TRIM63: variants seen among roughly 807,000 people sequenced by gnomAD.
TRIM63 encodes tripartite motif containing 63.
In TRIM63, 48 loss-of-function variants were observed where a neutral mutation model predicts 46.0. That is an observed-to-expected ratio of 1.04 (90% CI 0.83 to 1.33). The LOEUF (loss-of-function observed/expected upper bound fraction) is 1.33. Among genes scored for constraint, TRIM63 ranks in the 40% most tolerant of loss-of-function variants. TRIM63 has a pLI of 0.00. For missense variants in TRIM63, 455 were observed against 441.2 expected, an observed-to-expected ratio of 1.03 and a Z score of -0.28; for synonymous variants, 175 against 162.8, an observed-to-expected ratio of 1.08 and a Z score of -0.57.
chr1:26,054,846 T>A (rs916900844), intron 7 of TRIM63, among the ~76,000 whole-genome samples: 1 of 151,734 alleles, frequency 6.6e-6, no homozygotes, highest in Non-Finnish European at 1.5e-5. Context: ...CATGCACCTG[T>A]AATCCCAGCT....
chr1:26,061,383 C>A, intron 2 of TRIM63, 49 bp from the exon 3 acceptor site: 1 of 1,591,480 alleles, frequency 6.3e-7, no homozygotes. Context: ...GTCCCTGCAT[C>A]CCCCTCCCCA....
At chr1:26,054,048 G>A in intron 7 of TRIM63, 84 bp from the exon 8 acceptor site, 1 of 947,570 alleles carries the variant, frequency 1.1e-6, no homozygotes, top group East Asian at 2.7e-5. Flanking sequence ...AGAGAGCACG[G>A]TCTAAACCCC....
At chr1:26,067,270 G>C (rs2050686841) in intron 1 of TRIM63, 66 bp downstream of exon 1, 3 of 1,579,342 alleles carry the variant, frequency 1.9e-6, no homozygotes, top group Non-Finnish European at 2.6e-6. Flanking sequence ...AAGGGAGAAG[G>C]GTTTCATCAC....
In TRIM63 at chr1:26,058,649, G is replaced by A. The variant is rs201443908; in HGVS notation, c.598-26C>T. The A allele has an allele frequency of 3.4e-5, 55 of 1,598,094 alleles. No homozygotes were observed. The East Asian group carries it at 6.5e-4, about 19-fold the overall frequency. On this transcript the variant is annotated intron_variant, in intron 4 of 8. Coordinates refer to ENST00000374272, the MANE Select transcript of TRIM63 (RefSeq NM_032588.4). ...CTGAGGACGGAAGTCTTGTGGTCAC[G>A]TTCTGTAGGGTCTTTATTCCCTGCC...
intron 7 of TRIM63, 150 bp downstream of exon 7, chr1:26,057,053 A>G (rs936330254): frequency 4.8e-6 from 5 of 1,033,324 alleles, no homozygotes; most frequent in Non-Finnish European, 6.8e-6. Context: ...ATGAGCCACC[A>G]CAGCCGGCCA....
chr1:26,066,343 C>T lies in TRIM63; in HGVS notation c.257G>A (p.Arg86His), dbSNP rs1338320582. Residue 86 changes from arginine (R) to histidine (H), a missense_variant, in exon 2 of 9, where the codon CGT becomes CAT. Coordinates refer to ENST00000374272, the MANE Select transcript of TRIM63 (RefSeq NM_032588.4). ...CCTCTGCAGGCCGTACACTCCGTGA[C>T]GATCCATGATCACCTCGTGGCGGCA... ...PTCRHEVIMD[R>H]HGVYGLQRNL... 8 of 1,614,148 alleles carry T rather than the reference C, an allele frequency of 5.0e-6. No homozygotes were observed. The highest frequency in any genetic ancestry group is 1.7e-4 in the Middle Eastern group (1 of 6,060).
intron 2 of TRIM63, among the ~76,000 whole-genome samples, chr1:26,063,857 T>A (rs1163223757): frequency 6.6e-6 from 1 of 152,232 alleles, no homozygotes; most frequent in African/African-American, 2.4e-5. Flanking sequence ...GGTTCACATA[T>A]AACATGCTCT....
intron 3 of TRIM63, 88 bp downstream of exon 3, chr1:26,061,078 A>C: frequency 1.4e-6 from 2 of 1,402,494 alleles, no homozygotes; most frequent in Non-Finnish European, 2.0e-6. Context: ...CCAGATCAGC[A>C]GATCTACAGG....
rs1454847503 is a variant in TRIM63 at position 26,057,242 on chromosome 1, G to C, written c.940C>G (p.His314Asp). ...ATGGCTCTCAGGGCGTCTGCTATGT[G>C]CTCTAAATCCAAAGTAAAGAAGTCC... The part of the protein sequence containing the change: ...NMDFFTLDLE[H>D]IADALRAIDF... The change falls in exon 7 of 9, where the codon CAC becomes GAC. Residue 314 changes from histidine (H) to aspartate (D), a missense_variant. Physicochemically the swap from His to Asp is moderately conservative, Grantham distance 81. Transcript: ENST00000374272. 1 of 1,614,168 alleles carries C rather than the reference G, an allele frequency of 6.2e-7. No individual in the cohort carries two copies. The highest frequency in any genetic ancestry group is 2.2e-5 in the East Asian group (1 of 44,892).
intron 8 of TRIM63, 60 bp from the exon 9 acceptor site, chr1:26,051,943 G>A (rs2050526679): frequency 7.9e-7 from 1 of 1,271,002 alleles, no homozygotes; most frequent in African/African-American, 1.5e-5. Context: ...GAGGATCCAA[G>A]GCTTACCAAG....
At position 26,056,809 on chromosome 1, in the gene TRIM63, C is replaced by T. The variant is rs561291250; in HGVS notation, c.979+394G>A. ...AGTTTGGCTGGCTCTTTTGCCCAGG[C>T]TGGAGTGCAGTGGCACAATCTCGGC... On this transcript the variant is annotated intron_variant, in intron 7 of 8. Coordinates refer to ENST00000374272, the MANE Select transcript of TRIM63 (RefSeq NM_032588.4). Among the ~76,000 whole-genome samples, 8 of 148,912 alleles carry T rather than the reference C, an allele frequency of 5.4e-5. 1 individual carries two copies. In the South Asian group the frequency reaches 1.5e-3, roughly 27 times the overall value.
chr1:26,054,047 G>C, intron 7 of TRIM63, 83 bp from the exon 8 acceptor site: 2 of 964,314 alleles, frequency 2.1e-6, no homozygotes, highest in Non-Finnish European at 3.1e-6. Flanking sequence ...GAGAGAGCAC[G>C]GTCTAAACCC....
Position 26,061,152 on chromosome 1 carries a change from G to T in TRIM63, c.501+14C>A, listed in dbSNP as rs776998637. The T allele has an allele frequency of 1.6e-5, 26 of 1,611,610 alleles. No individual in the cohort carries two copies. The highest frequency in any genetic ancestry group is 2.7e-5 in the African/African-American group (2 of 75,002). ...CAGGCCCAGGCTGGGGGTAAAAGTG[G>T]CTGGAGACAGTACCTTTTGTCCCTG... On this transcript the variant is annotated intron_variant, in intron 3 of 8. Coordinates refer to ENST00000374272, the MANE Select transcript of TRIM63 (RefSeq NM_032588.4).
chr1:26,064,623 A>C (rs2050658074), intron 2 of TRIM63, among the ~76,000 whole-genome samples: 3 of 152,182 alleles, frequency 2.0e-5, no homozygotes, highest in African/African-American at 7.2e-5. Flanking sequence ...GAAAGTACTT[A>C]GAACAGCGCC....
intron 1 of TRIM63, 39 bp from the exon 2 acceptor site, chr1:26,066,479 T>A (rs753057259): frequency 1.3e-6 from 2 of 1,497,476 alleles, no homozygotes; most frequent in Non-Finnish European, 1.8e-6. Flanking sequence ...CTGGGCTCCC[T>A]ACTTAGCCCT....
At chr1:26,064,631 G>A (rs915045740) in intron 2 of TRIM63, among the ~76,000 whole-genome samples, 13 of 152,038 alleles carry the variant, frequency 8.6e-5, no homozygotes, top group African/African-American at 2.9e-4. Flanking sequence ...TTAGAACAGC[G>A]CCTGCACACA....
In TRIM63 at chr1:26,061,252, C is replaced by T; in HGVS notation, c.415G>A (p.Val139Met). The change falls in exon 3 of 9, where the codon GTG becomes ATG. Residue 139 changes from valine to methionine, a missense_variant. Val to Met is a conservative substitution (Grantham distance 21). Transcript: ENST00000374272. ...KINIYCLTCE[V>M]PTCSMCKVFG... is the part of the protein sequence containing the mutation. ...ACCTTGCACATGGAGCAGGTGGGCA[C>T]CTCACACGTGAGACAGTAGATGTTG... 1.2e-6 allele frequency: 2 copies of T among 1,614,162 alleles called. No homozygotes were observed. Among genetic ancestry groups the T allele is most frequent in the Admixed American group, 1.7e-5 (1 of 60,028 alleles).
intron 4 of TRIM63, among the ~76,000 whole-genome samples, chr1:26,059,766 C>T (rs1324958812): frequency 1.3e-5 from 2 of 152,182 alleles, no homozygotes; most frequent in Admixed American, 6.5e-5. Flanking sequence ...TCAACAGTCT[C>T]ACTACTCAAC....
Position 26,057,285 on chromosome 1 carries a change from C to T in TRIM63, c.897G>A (p.Glu299=), listed in dbSNP as rs537887281. ...AGAAGTCCATGTTCTCAAAGCCCTG[C>T]TCTGTCTTCCCCAGCTGGCAGCCCT... is the stretch of plus-strand genomic sequence containing the variant. ...ASKGCQLGKT[E]QGFENMDFFT... is the part of the protein sequence containing the mutation. The change falls in exon 7 of 9, where the codon GAG becomes GAA. Residue 299 remains glutamate, a synonymous_variant. Coordinates refer to ENST00000374272, the MANE Select transcript of TRIM63 (RefSeq NM_032588.4). The T allele has an allele frequency of 2.5e-6, 4 of 1,614,196 alleles. No individual in the cohort carries two copies. The East Asian group carries it at 8.9e-5, about 36-fold the overall frequency.
Sources: allele counts gnomAD v4.1 joint callset (sites outside exome capture counted in the v4.1 genomes callset), GRCh38; gene constraint gnomAD v4.1.1; transcripts MANE v1.5; gene names NCBI Gene and HGNC (gene_info 2026-07-23, HGNC 2026-07-21).